Variants in NTF3 observed in about 807,000 individuals in gnomAD.
The protein encoded by NTF3 is neurotrophin-3.
In NTF3, 8 loss-of-function variants were observed where a neutral mutation model predicts 26.3. That is an observed-to-expected ratio of 0.30 (90% CI 0.18 to 0.55). NTF3 has a LOEUF of 0.55. Among genes scored for constraint, NTF3 ranks in the 20% least tolerant of loss-of-function variants. The pLI is 0.93. For synonymous variants in NTF3, 154 were observed against 145.5 expected, an observed-to-expected ratio of 1.06 and a Z score of -0.42; for missense variants, 276 against 352.9, an observed-to-expected ratio of 0.78 and a Z score of 1.75.
At chr12:5,452,176 A>G (rs1940382547) in intron 1 of NTF3, among the ~76,000 whole-genome samples, 1 of 149,402 alleles carries the variant, frequency 6.7e-6, no homozygotes, top group South Asian at 2.1e-4. Context: ...GCTCACTGCA[A>G]CCTCCGCCTC....
intron 1 of NTF3, among the ~76,000 whole-genome samples, chr12:5,457,877 C>T (rs1407084215): frequency 2.0e-5 from 3 of 152,168 alleles, no homozygotes; most frequent in Non-Finnish European, 2.9e-5. Context: ...TCCGCAGGAT[C>T]GGGCAGCCTC....
chr12:5,460,597 G>A (rs1940512812), intron 1 of NTF3, among the ~76,000 whole-genome samples: 1 of 152,174 alleles, frequency 6.6e-6, no homozygotes. Context: ...TTCTATGTGT[G>A]CCACTGCTTG....
chr12:5,435,070 T>A (rs1175315636), intron 1 of NTF3, among the ~76,000 whole-genome samples: 1 of 152,102 alleles, frequency 6.6e-6, no homozygotes, highest in African/African-American at 2.4e-5. Flanking sequence ...ATGAGGGATG[T>A]ACATTTAAGG....
At chr12:5,453,305 CTT>C (rs1412894849) in intron 1 of NTF3, among the ~76,000 whole-genome samples, 1 of 152,172 alleles carries the variant, frequency 6.6e-6, no homozygotes, top group Non-Finnish European at 1.5e-5. Flanking sequence ...ACTGCAAAGT[CTT>C]TTTTCCAGTC....
chr12:5,447,490 C>A (rs1286439434), intron 1 of NTF3, among the ~76,000 whole-genome samples: 1 of 152,156 alleles, frequency 6.6e-6, no homozygotes, highest in Non-Finnish European at 1.5e-5. Flanking sequence ...GAGAACTAAC[C>A]TTTAAGCAAG....
chr12:5,468,194 A>C (rs1463530527), intron 1 of NTF3, among the ~76,000 whole-genome samples: 1 of 152,168 alleles, frequency 6.6e-6, no homozygotes, highest in African/African-American at 2.4e-5. Flanking sequence ...TGTTTTATAT[A>C]TACACACTTA....
At chr12:5,482,584 G>C (rs1462523302) in intron 1 of NTF3, among the ~76,000 whole-genome samples, 2 of 152,142 alleles carry the variant, frequency 1.3e-5, no homozygotes, top group Non-Finnish European at 1.5e-5. Context: ...CTTCAGAGGG[G>C]CCTTCTCTGG....
intron 1 of NTF3, among the ~76,000 whole-genome samples, chr12:5,485,025 G>T (rs532891079): frequency 6.6e-6 from 1 of 152,126 alleles, no homozygotes; most frequent in East Asian, 1.9e-4. Context: ...CACCTTCAAC[G>T]CTCCAGCCAT....
intron 1 of NTF3, among the ~76,000 whole-genome samples, chr12:5,472,219 A>C (rs146690182): frequency 4.6e-5 from 7 of 152,268 alleles, no homozygotes; most frequent in African/African-American, 1.4e-4. Context: ...TGTTGGGTGA[A>C]AGAAGGGCAG....
At chr12:5,482,594 G>A (rs1940820506) in intron 1 of NTF3, among the ~76,000 whole-genome samples, 1 of 151,898 alleles carries the variant, frequency 6.6e-6, no homozygotes, top group African/African-American at 2.4e-5. Flanking sequence ...GCCTTCTCTG[G>A]TACCTTTCCA....
chr12:5,438,016 G>T (rs1360388890), intron 1 of NTF3, among the ~76,000 whole-genome samples: 1 of 152,128 alleles, frequency 6.6e-6, no homozygotes, highest in Non-Finnish European at 1.5e-5. Context: ...CTTCTTACAG[G>T]TGGGACAGCC....
At chr12:5,439,537 G>A (rs774953570) in intron 1 of NTF3, among the ~76,000 whole-genome samples, 43 of 152,192 alleles carry the variant, frequency 2.8e-4, no homozygotes, top group Non-Finnish European at 5.3e-4. Context: ...CAAATGTTTA[G>A]GTTTTCTAGC....
intron 1 of NTF3, 21 bp downstream of exon 1, chr12:5,432,363 C>T (rs1335624106): frequency 2.5e-6 from 4 of 1,611,696 alleles, no homozygotes; most frequent in African/African-American, 1.3e-5. Flanking sequence ...GCGGCGGGCA[C>T]CTTGGGTGGG....
At chr12:5,481,126 C>A (rs1008782054) in intron 1 of NTF3, among the ~76,000 whole-genome samples, 4 of 152,084 alleles carry the variant, frequency 2.6e-5, no homozygotes, top group Non-Finnish European at 4.4e-5. Context: ...TGGCTTTAGA[C>A]CCCTGTGGAC....
chr12:5,455,533 A>ACACACACACACAC (rs1940432819), intron 1 of NTF3, among the ~76,000 whole-genome samples: 1 of 103,764 alleles, frequency 9.6e-6, no homozygotes, highest in Non-Finnish European at 1.8e-5. Flanking sequence ...ACCCCTCCCC[A>ACACACACACACAC]ACACACACAC....
chr12:5,481,263 AG>A (rs1940789246), intron 1 of NTF3, among the ~76,000 whole-genome samples: 1 of 152,036 alleles, frequency 6.6e-6, no homozygotes, highest in African/African-American at 2.4e-5. Context: ...CAGTGGCCAA[AG>A]GGGAGGCTGG....
intron 1 of NTF3, among the ~76,000 whole-genome samples, chr12:5,458,703 C>T (rs528835186): frequency 6.6e-6 from 1 of 152,314 alleles, no homozygotes; most frequent in Non-Finnish European, 1.5e-5. Context: ...TTATCCCATG[C>T]CACGCAACCA....
At position 5,452,853 on chromosome 12, in the gene NTF3, G is replaced by A. The variant is rs575673739; in HGVS notation, c.18+20511G>A. 6.6e-5 allele frequency among the ~76,000 whole-genome samples: 10 copies of A among 152,174 alleles called. No homozygotes were observed. In the South Asian group the frequency reaches 1.5e-3, roughly 22 times the overall value. On this transcript the variant is annotated intron_variant, in intron 1 of 1. Transcript: ENST00000423158. ...TATGTGCTTTCTTGGTCTAATTTTC[G>A]GATTGGTCTTCTCCTATATTCTCTT...
chr12:5,481,473 A>ACACACACG (rs1426936393), intron 1 of NTF3, among the ~76,000 whole-genome samples: 20 of 149,974 alleles, frequency 1.3e-4, no homozygotes, highest in Non-Finnish European at 2.1e-4. Flanking sequence ...GAATAACACC[A>ACACACACG]CACATACATG....
Sources: gnomAD v4.1 joint callset for allele counts (sites outside exome capture counted in the v4.1 genomes callset) on GRCh38, gnomAD v4.1.1 for gene constraint, MANE v1.5 for transcripts, NCBI Gene and HGNC (gene_info 2026-07-23, HGNC 2026-07-21) for gene names.